The following CREBRF variants were observed in gnomAD, a reference collection of about 807,000 sequenced individuals.
CREBRF encodes the protein UPF0474 protein C5orf41.
CREBRF carries 5 observed loss-of-function variants against 66.1 expected under a neutral mutation model. That is an observed-to-expected ratio of 0.08 (90% CI 0.04 to 0.16). The LOEUF is 0.16. CREBRF is among the 10% of genes least tolerant of loss of function. CREBRF has a pLI of 1.00. For synonymous variants in CREBRF, 229 were observed against 264.4 expected (o/e 0.87, Z 1.30); for missense variants, 531 against 744.9 (o/e 0.71, Z 3.34).
At position 173,090,614 on chromosome 5, in the gene CREBRF, G is replaced by A. The variant is rs757723698; in HGVS notation, c.435G>A (p.Glu145=). 6.2e-7 allele frequency: 1 copy of A among 1,614,114 alleles called. No homozygotes were observed. Among genetic ancestry groups the A allele is most frequent in the Non-Finnish European group, 8.5e-7 (1 of 1,179,986 alleles). The change falls in exon 4 of 9, where the codon GAG becomes GAA. Residue 145 remains glutamate (E), a synonymous_variant. Coordinates refer to ENST00000296953, the MANE Select transcript of CREBRF (RefSeq NM_153607.3). The surrounding 1 kb of genome is among the most constrained non-coding windows in gnomAD (Gnocchi z 4.5). ...KTPTLAQLNS[E]DSQSVSDSLY... ...CAACTTTAGCTCAACTTAATAGTGA[G>A]GACTCACAGTCTGTTTCTGATTCCC...
rs1759591776 is a variant in CREBRF, at chr5:173,136,647, GTAATAATCTGCT to G, written c.*2904_*2915del. The G allele has an allele frequency of 6.6e-6, 1 of 152,414 alleles. No individual in the cohort carries two copies. The highest frequency in any genetic ancestry group is 2.1e-4 in the South Asian group (1 of 4,836). The allele number at this position is 152,414 out of a possible 1,614,324, so 9.4% of individuals were successfully genotyped here. A position where few individuals can be genotyped will look rare whatever the true frequency, so the allele number is the denominator to read the frequency against. ...TAGAAATGGTTGTACTTTAATGCCAGTAATAATCTGCTTCCTCTATTGTCATTAAAATATATA... is the reference window on the plus strand; with the variant it reads ...TAGAAATGGTTGTACTTTAATGCCAGTCCTCTATTGTCATTAAAATATATA... On this transcript the variant is annotated 3_prime_UTR_variant, in exon 9 of 9. Transcript: ENST00000296953.
At chr5:173,058,772 A>G (rs1229774001) in intron 1 of CREBRF, among the ~76,000 whole-genome samples, 67 of 133,220 alleles carry the variant, frequency 5.0e-4, no homozygotes, top group African/African-American at 1.7e-3. Flanking sequence ...GGCGTGAGCC[A>G]CCGCGCCCAG....
At chr5:173,131,114 G>C (rs1280423680) in intron 8 of CREBRF, among the ~76,000 whole-genome samples, 5 of 152,126 alleles carry the variant, frequency 3.3e-5, no homozygotes, top group African/African-American at 9.7e-5. Context: ...GGGATTATAG[G>C]CATGAGCCAC....
chr5:173,059,535 A>G (rs1757203436), intron 1 of CREBRF, among the ~76,000 whole-genome samples: 2 of 152,108 alleles, frequency 1.3e-5, no homozygotes. Context: ...AAGTGCTGGG[A>G]TTACAGGCGT....
intron 1 of CREBRF, among the ~76,000 whole-genome samples, chr5:173,059,490 C>G (rs1218980203): frequency 6.6e-6 from 1 of 151,700 alleles, no homozygotes; most frequent in Non-Finnish European, 1.5e-5. Flanking sequence ...TCTTGAACTC[C>G]TGACCTAAGG....
intron 5 of CREBRF, chr5:173,109,067 A>G: frequency 2.4e-6 from 1 of 408,904 alleles, no homozygotes. Flanking sequence ...TCCCTTCTTA[A>G]TCTACCTACC....
At chr5:173,110,469 G>A (rs760539756) in intron 5 of CREBRF, 53 bp from the exon 6 acceptor site, 82 of 1,315,700 alleles carry the variant, frequency 6.2e-5, no homozygotes, top group Middle Eastern at 5.5e-4. Context: ...TGAAAAACGT[G>A]TCTCTTGTTA....
chr5:173,070,169 A>G (rs1300181589), intron 1 of CREBRF, among the ~76,000 whole-genome samples: 2 of 152,140 alleles, frequency 1.3e-5, no homozygotes, highest in Admixed American at 6.6e-5. Context: ...CTGGGATTAT[A>G]GGCAGTGAAC....
At position 173,091,170 on chromosome 5, in the gene CREBRF, A is replaced by C; in HGVS notation, c.991A>C (p.Lys331Gln). Residue 331 changes from lysine to glutamine, a missense_variant, in exon 4 of 9, where the codon AAA (lysine) becomes CAA (glutamine). By Grantham distance (53) the Lys-to-Gln change is moderately conservative. Around this residue, in one of 5 missense-constraint regions of CREBRF, gnomAD observed 309 missense variants for 341.4 expected, o/e 0.90. Coordinates refer to ENST00000296953, the MANE Select transcript of CREBRF (RefSeq NM_153607.3). ...TACATCAGTCTCAGATTCATCCCAG[A>C]AAAAAGAAGAGCACAATTATTCTCT... is the stretch of plus-strand genomic sequence containing the variant. ...ASTSVSDSSQKKEEHNYSLFV... is the reference protein window; with the variant it reads ...ASTSVSDSSQQKEEHNYSLFV... 1 of 1,613,564 alleles carries C rather than the reference A, an allele frequency of 6.2e-7. No homozygotes were observed. Among genetic ancestry groups the C allele is most frequent in the Non-Finnish European group, 8.5e-7 (1 of 1,179,458 alleles).
At chr5:173,115,210 G>C (rs1206460720) in intron 7 of CREBRF, among the ~76,000 whole-genome samples, 1 of 151,254 alleles carries the variant, frequency 6.6e-6, no homozygotes, top group Non-Finnish European at 1.5e-5. Context: ...GGGTTCAAGC[G>C]ATTCTGTTGC....
chr5:173,125,908 T>G (rs1052483129), intron 8 of CREBRF, among the ~76,000 whole-genome samples: 3 of 152,132 alleles, frequency 2.0e-5, no homozygotes, highest in Non-Finnish European at 4.4e-5. Flanking sequence ...CCAGGTTTGG[T>G]GGCTTTTTCC....
intron 8 of CREBRF, among the ~76,000 whole-genome samples, chr5:173,130,140 C>A (rs1209014658): frequency 6.6e-6 from 1 of 152,096 alleles, no homozygotes; most frequent in African/African-American, 2.4e-5. Context: ...TTTTATGTAG[C>A]ATGTATTTGG....
rs1343819168 is a variant in CREBRF at position 173,134,321 on chromosome 5, A to G, written c.*576A>G. On this transcript the variant is annotated 3_prime_UTR_variant, in exon 9 of 9. Coordinates refer to ENST00000296953, the MANE Select transcript of CREBRF (RefSeq NM_153607.3). ...ACACACACAAATGTCTGTGCAAGTA[A>G]GAAAAAAAAAGCATATTCTTTGTGC... 4.3e-6 allele frequency: 1 copy of G among 235,218 alleles called. No individual in the cohort carries two copies. Among genetic ancestry groups the G allele is most frequent in the Admixed American group, 5.5e-5 (1 of 18,168 alleles). The allele number at this position is 235,218 out of a possible 1,614,324, so 14.6% of individuals were successfully genotyped here.
intron 1 of CREBRF, among the ~76,000 whole-genome samples, chr5:173,075,501 G>A (rs1196028989): frequency 6.6e-6 from 1 of 152,182 alleles, no homozygotes; most frequent in African/African-American, 2.4e-5. Context: ...CTCTTGCAGA[G>A]TAGAGTAGTT....
intron 4 of CREBRF, among the ~76,000 whole-genome samples, chr5:173,097,578 T>C (rs1161071034): frequency 6.6e-6 from 1 of 152,192 alleles, no homozygotes; most frequent in Admixed American, 6.5e-5. Context: ...GTGTTCTTTC[T>C]TGTTATTGGT....
At chr5:173,104,377 T>C (rs1159810883) in intron 4 of CREBRF, among the ~76,000 whole-genome samples, 2 of 152,100 alleles carry the variant, frequency 1.3e-5, no homozygotes, top group African/African-American at 2.4e-5. Flanking sequence ...ATTGATAGTC[T>C]CTGTATTGAA....
At chr5:173,063,379 T>C (rs1248230327) in intron 1 of CREBRF, among the ~76,000 whole-genome samples, 1 of 152,100 alleles carries the variant, frequency 6.6e-6, no homozygotes, top group Non-Finnish European at 1.5e-5. Flanking sequence ...TCTTCTCTAT[T>C]TTTTTTGAGA....
chr5:173,083,271 CAGTT>C (rs1226483492), intron 2 of CREBRF, among the ~76,000 whole-genome samples: 2 of 152,036 alleles, frequency 1.3e-5, no homozygotes, highest in African/African-American at 4.8e-5. Flanking sequence ...TTCTTCATCT[CAGTT>C]AGATTTCAAA....
intron 1 of CREBRF, among the ~76,000 whole-genome samples, chr5:173,067,830 C>A (rs1215838883): frequency 6.6e-6 from 1 of 152,060 alleles, no homozygotes; most frequent in Non-Finnish European, 1.5e-5. Context: ...GAAACCCCAT[C>A]TCTACTAAAA....
Sources: allele counts gnomAD v4.1 joint callset (sites outside exome capture counted in the v4.1 genomes callset), GRCh38; gene constraint gnomAD v4.1.1; regional missense constraint gnomAD v4.1.1; non-coding constraint Gnocchi (gnomAD v3.1); transcripts MANE v1.5; gene names NCBI Gene and HGNC (gene_info 2026-07-23, HGNC 2026-07-21).